Variants in RNF38 observed in about 807,000 individuals in gnomAD.
The protein encoded by RNF38 is ring finger protein 38, also known as E3 ubiquitin-protein ligase RNF38.
Under a neutral mutation model 67.2 loss-of-function variants are expected in RNF38, and 15 were observed. That is an observed-to-expected ratio of 0.22 (90% CI 0.15 to 0.34). The LOEUF (loss-of-function observed/expected upper bound fraction) is 0.34. RNF38 is among the 10% of genes least tolerant of loss of function. The pLI is 1.00. For synonymous variants in RNF38, 220 were observed against 218.8 expected, an observed-to-expected ratio of 1.01 and a Z score of -0.05; for missense variants, 524 against 639.9, an observed-to-expected ratio of 0.82 and a Z score of 1.95.
At chr9:36,455,752 C>T (rs928617441) in intron 1 of RNF38, among the ~76,000 whole-genome samples, 5 of 150,078 alleles carry the variant, frequency 3.3e-5, no homozygotes, top group East Asian at 2.0e-4. Context: ...GGTGAAACCC[C>T]GTCTCTACTA....
upstream of RNF38, among the ~76,000 whole-genome samples, chr9:36,402,596 A>G (rs1838078898): frequency 6.6e-6 from 1 of 152,104 alleles, no homozygotes; most frequent in Non-Finnish European, 1.5e-5. Flanking sequence ...GAAAGGGGAG[A>G]AGAACATCAG....
At chr9:36,475,118 C>T (rs938166708) in intron 1 of RNF38, among the ~76,000 whole-genome samples, 1 of 139,494 alleles carries the variant, frequency 7.2e-6, no homozygotes, top group African/African-American at 2.7e-5. Flanking sequence ...TTCACTCCAG[C>T]CTGGGCAATA....
At chr9:36,464,910 A>G (rs747284158) in intron 1 of RNF38, among the ~76,000 whole-genome samples, 3 of 152,234 alleles carry the variant, frequency 2.0e-5, no homozygotes, top group Non-Finnish European at 4.4e-5. Flanking sequence ...TTTTACAATT[A>G]TGAGGACTCA....
chr9:36,455,105 T>C (rs1237001130), intron 1 of RNF38, among the ~76,000 whole-genome samples: 1 of 151,644 alleles, frequency 6.6e-6, no homozygotes, highest in Non-Finnish European at 1.5e-5. Flanking sequence ...TGTCGCCATG[T>C]GCAGAGTGCG....
At chr9:36,425,278 T>C (rs1274329086) in intron 1 of RNF38, among the ~76,000 whole-genome samples, 2 of 152,296 alleles carry the variant, frequency 1.3e-5, no homozygotes, top group East Asian at 3.9e-4. Context: ...GAACAACAGA[T>C]TACCCATTTT....
intron 2 of RNF38, among the ~76,000 whole-genome samples, chr9:36,419,143 T>C (rs75968753): frequency 0.013 from 1,966 of 152,302 alleles, 33 homozygotes; most frequent in African/African-American, 0.044. Context: ...ATGGAACATT[T>C]TGGATTTTCA....
intron 1 of RNF38, among the ~76,000 whole-genome samples, chr9:36,485,729 G>A (rs1356511154): frequency 6.6e-6 from 1 of 152,156 alleles, no homozygotes; most frequent in Non-Finnish European, 1.5e-5. Context: ...AGGGCAGCAA[G>A]AAAACAGCTG....
At chr9:36,380,670 A>T (rs528031637) in intron 2 of RNF38, among the ~76,000 whole-genome samples, 21 of 151,734 alleles carry the variant, frequency 1.4e-4, no homozygotes, top group Middle Eastern at 3.4e-3. Flanking sequence ...TTAAAAAAAA[A>T]TTTTGGAGAT....
At chr9:36,406,131 T>G (rs1838175676), upstream of RNF38, among the ~76,000 whole-genome samples, 1 of 152,206 alleles carries the variant, frequency 6.6e-6, no homozygotes. Context: ...TCTGCTTTGT[T>G]TGTATATCAC....
intron 1 of RNF38, among the ~76,000 whole-genome samples, chr9:36,393,190 TTA>T (rs1177686211): frequency 6.6e-6 from 1 of 152,094 alleles, no homozygotes; most frequent in African/African-American, 2.4e-5. Flanking sequence ...CAAATCAAGG[TTA>T]TGTTTCTTCT....
At chr9:36,350,997 T>G (rs922830999) in intron 9 of RNF38, 118 bp downstream of exon 9, 8 of 700,520 alleles carry the variant, frequency 1.1e-5, no homozygotes, top group Non-Finnish European at 2.0e-5. Context: ...CAGTAATTCT[T>G]CTTCCAATGT....
intron 1 of RNF38, among the ~76,000 whole-genome samples, chr9:36,483,770 T>C (rs1840336514): frequency 6.6e-6 from 1 of 152,234 alleles, no homozygotes. Flanking sequence ...TTGGGGGTTT[T>C]ACTTTCTCCA....
At chr9:36,348,189 G>C (rs1055488993) in intron 9 of RNF38, among the ~76,000 whole-genome samples, 3 of 151,586 alleles carry the variant, frequency 2.0e-5, no homozygotes, top group Non-Finnish European at 4.4e-5. Context: ...TGTTCTAAAG[G>C]CAAAGGCAAA....
chr9:36,435,646 A>G (rs1240300322), intron 1 of RNF38, among the ~76,000 whole-genome samples: 2 of 140,772 alleles, frequency 1.4e-5, no homozygotes, highest in East Asian at 4.1e-4. Flanking sequence ...TTTGAGATGG[A>G]GTCTCGCTCT....
At chr9:36,372,345 T>C in intron 3 of RNF38, 2 of 550,172 alleles carry the variant, frequency 3.6e-6, no homozygotes, top group Non-Finnish European at 6.5e-6. Context: ...ACTCTAAAAT[T>C]CGATCTTGCT....
At chr9:36,436,849 CA>C (rs1479535464) in intron 1 of RNF38, among the ~76,000 whole-genome samples, 2 of 147,366 alleles carry the variant, frequency 1.4e-5, no homozygotes, top group Admixed American at 6.8e-5. Context: ...AGAATGGGAA[CA>C]TAAGTATAAT....
At chr9:36,371,328 CATTA>C (rs1407959724) in intron 3 of RNF38, among the ~76,000 whole-genome samples, 2 of 152,114 alleles carry the variant, frequency 1.3e-5, no homozygotes, top group Non-Finnish European at 2.9e-5. Flanking sequence ...CTTCTTGCTC[CATTA>C]ATTGTTTCTT....
chr9:36,451,491 G>GGT lies in RNF38; in HGVS notation n.242-26809_242-26808insAC, dbSNP rs1554698273. Among the ~76,000 whole-genome samples, 4 of 58,670 alleles carry GGT rather than the reference G, an allele frequency of 6.8e-5. No individual in the cohort carries two copies. The East Asian group carries it at 3.0e-3, about 44-fold the overall frequency. The allele number at this position is 58,670 out of a possible 152,430, so 38.5% of individuals were successfully genotyped here. A position where few individuals can be genotyped will look rare whatever the true frequency, so the allele number is the denominator to read the frequency against. ...TAAAGAAGAAAAAAAAATTGTAGTA[G>GGT]TTTTTTTTTTTTTTTTTTTTTTTTT... On this transcript the variant is annotated intron_variant and non_coding_transcript_variant, in intron 1 of 3. Transcript: ENST00000488058.
intron 1 of RNF38, among the ~76,000 whole-genome samples, chr9:36,475,369 G>T (rs1346670403): frequency 6.6e-6 from 1 of 151,566 alleles, no homozygotes. Flanking sequence ...ATCTTTTTGT[G>T]TGTGTGTAAG....
Sources: gnomAD v4.1 joint callset for allele counts (sites outside exome capture counted in the v4.1 genomes callset) on GRCh38, gnomAD v4.1.1 for gene constraint, MANE v1.5 for transcripts, NCBI Gene and HGNC (gene_info 2026-07-23, HGNC 2026-07-21) for gene names.